Variants in VTN observed in about 807,000 individuals in gnomAD.
VTN encodes the protein vitronectin, also known as complement S-protein.
Under a neutral mutation model 55.9 loss-of-function variants are expected in VTN, and 45 were observed. That is an observed-to-expected ratio of 0.80 (90% CI 0.63 to 1.03). VTN has a LOEUF of 1.03. VTN is among the 50% of genes least tolerant of loss of function. The pLI, the probability that VTN is intolerant of heterozygous loss-of-function variation, is 0.00. For synonymous variants in VTN, 238 were observed against 242.3 expected, an observed-to-expected ratio of 0.98 and a Z score of 0.17; for missense variants, 589 against 638.2, an observed-to-expected ratio of 0.92 and a Z score of 0.83.
In VTN at chr17:28,368,950, T is replaced by C. The variant is rs1555583482; in HGVS notation, c.748A>G (p.Ile250Val). 5.6e-6 allele frequency: 9 copies of C among 1,604,174 alleles called. No homozygotes were observed. Among genetic ancestry groups the C allele is most frequent in the African/African-American group, 1.3e-5 (1 of 74,142 alleles). The change falls in exon 5 of 8, where the codon ATC becomes GTC. Residue 250 changes from isoleucine (I) to valine (V), a missense_variant. Ile to Val is a conservative substitution (Grantham distance 29, BLOSUM62 3). Transcript: ENST00000226218. ...PRNISDGFDG[I>V]PDNVDAALAL... ...AAGGCTGCATCCACGTTGTCCGGGA[T>C]GCCATCGAAGCCGTCAGAGATATTT... is the stretch of plus-strand genomic sequence containing the variant.
chr17:28,368,621 A>C lies in VTN; in HGVS notation c.879T>G (p.Cys293Trp), dbSNP rs782245313. Residue 293 changes from cysteine to tryptophan, a missense_variant, in exon 6 of 8, where the codon TGT becomes TGG. Physicochemically the swap from Cys to Trp is radical, Grantham distance 215. Coordinates refer to ENST00000226218, the MANE Select transcript of VTN (RefSeq NM_000638.4). ...QFQHQPSQEECEGSSLSAVFE... is the reference protein window; with the variant it reads ...QFQHQPSQEEWEGSSLSAVFE... ...ACACAGCCGACAGGGAGCTGCCTTC[A>C]CACTCCTCCTGACTGGGCTGGTGCT... 16 of 1,613,814 alleles carry C rather than the reference A, an allele frequency of 9.9e-6. No individual in the cohort carries two copies. The South Asian group carries it at 1.8e-4, about 18-fold the overall frequency.
At chr17:28,367,561 C>T (rs1377427863) in intron 7 of VTN, 80 bp from the exon 8 acceptor site, 20 of 1,444,970 alleles carry the variant, frequency 1.4e-5, no homozygotes, top group Non-Finnish European at 1.9e-5. Flanking sequence ...TAGGGTCTCT[C>T]CCAGAAGGGA....
In VTN at chr17:28,367,798, G is replaced by T; in HGVS notation, c.1241C>A (p.Ala414Asp). 1 of 1,614,136 alleles carries T rather than the reference G, an allele frequency of 6.2e-7. No homozygotes were observed. Among genetic ancestry groups the T allele is most frequent in the South Asian group, 1.1e-5 (1 of 91,086 alleles). Residue 414 changes from alanine to aspartate, a missense_variant, in exon 7 of 8, where the codon GCC (alanine) becomes GAC (aspartate). By Grantham distance (126) the Ala-to-Asp change is moderately radical. This residue lies in a region of VTN where 334 missense variants were observed against 328.2 expected (regional missense o/e 1.02). Coordinates refer to ENST00000226218, the MANE Select transcript of VTN (RefSeq NM_000638.4). ...LFSSEESNLG[A>D]NNYDDYRMDW... ...CATCCTGTAGTCATCATAGTTGTTGGCTCCCAAGTTGCTCTCCTCACTGGA... is the reference window on the plus strand; with the variant it reads ...CATCCTGTAGTCATCATAGTTGTTGTCTCCCAAGTTGCTCTCCTCACTGGA...
At chr17:28,367,565 G>GA in intron 7 of VTN, 84 bp from the exon 8 acceptor site, 1 of 1,438,086 alleles carries the variant, frequency 7.0e-7, no homozygotes, top group Non-Finnish European at 9.7e-7. Flanking sequence ...GTCTCTCCCA[G>GA]AAGGGAAAGT....
rs782257958 is a variant in VTN at position 28,369,840 on chromosome 17, C to A, written c.196G>T (p.Asp66Tyr). 6.2e-7 allele frequency: 1 copy of A among 1,612,480 alleles called. No homozygotes were observed. Among genetic ancestry groups the A allele is most frequent in the Non-Finnish European group, 8.5e-7 (1 of 1,178,708 alleles). Residue 66 changes from aspartate (D) to tyrosine (Y), a missense_variant, in exon 3 of 8, where the codon GAT (aspartate) becomes TAT (tyrosine). Asp to Tyr is a radical substitution (Grantham distance 160). Coordinates refer to ENST00000226218, the MANE Select transcript of VTN (RefSeq NM_000638.4). This position sits in a 1 kb window ranked among gnomAD's most constrained non-coding sequence, Gnocchi z 5.3. ...AECKPQVTRG[D>Y]VFTMPEDEYT... ...TCATCCTCCGGCATAGTGAACACATCCCCGCGAGTCACTGCAGAGAGTGGA... is the reference window on the plus strand; with the variant it reads ...TCATCCTCCGGCATAGTGAACACATACCCGCGAGTCACTGCAGAGAGTGGA...
Position 28,369,589 on chromosome 17 carries a change from G to C in VTN, c.447C>G (p.Pro149=), listed in dbSNP as rs1555583642. ...CACTGCACAGCTCCTCCTCTGCTGG[G>C]GGCTGAGGTCTCCCTGGATGAAGGG... is the stretch of plus-strand genomic sequence containing the variant. ...PETLHPGRPQ[P]PAEEELCSGK... Residue 149 remains proline, a synonymous_variant, in exon 3 of 8, where the codon CCC becomes CCG. Transcript: ENST00000226218. The surrounding 1 kb of genome is among the most constrained non-coding windows in gnomAD (Gnocchi z 5.3). 3.7e-6 allele frequency: 6 copies of C among 1,613,262 alleles called. No individual in the cohort carries two copies. The highest frequency in any genetic ancestry group is 1.3e-5 in the African/African-American group (1 of 74,926).
Position 28,367,393 on chromosome 17 carries a change from GC to G in VTN, c.1412del (p.Gly471AlafsTer35). On this transcript the variant is annotated frameshift_variant, in exon 8 of 8. Transcript: ENST00000226218. LOFTEE classifies it high-confidence loss of function. ...CCTACAGATGGCCAGGAGCTGGGCA[GC>G]CCAGCCAGTACTGAGCGATGGAGCG... is the stretch of plus-strand genomic sequence containing the variant. ...YPRSIAQYWLGCPAPGHL is the reference protein window; with the variant it reads ...YPRSIAQYWLXCPAPGHL 1 of 1,600,326 alleles carries G rather than the reference GC, an allele frequency of 6.2e-7. No homozygotes were observed. Among genetic ancestry groups the G allele is most frequent in the Admixed American group, 1.8e-5 (1 of 56,022 alleles).
In VTN at chr17:28,368,578, T is replaced by C; in HGVS notation, c.922A>G (p.Met308Val). Reference sequence around the variant, plus strand: ...ATGTCCTCCCAGCTGTCCCGCTGCATCATGGCAAAGTGTTCAAACACAGCC... The same window carrying C: ...ATGTCCTCCCAGCTGTCCCGCTGCACCATGGCAAAGTGTTCAAACACAGCC... ...LSAVFEHFAM[M>V]QRDSWEDIFE... The change falls in exon 6 of 8, where the codon ATG (methionine) becomes GTG (valine). Residue 308 changes from methionine to valine, a missense_variant. This residue lies in a region of VTN where 334 missense variants were observed against 328.2 expected (regional missense o/e 1.02). Coordinates refer to ENST00000226218, the MANE Select transcript of VTN (RefSeq NM_000638.4). 5.0e-6 allele frequency: 8 copies of C among 1,614,066 alleles called. No individual in the cohort carries two copies. The highest frequency in any genetic ancestry group is 6.8e-6 in the Non-Finnish European group (8 of 1,180,030).
At position 28,369,869 on chromosome 17, in the gene VTN, TAGTG is replaced by T. The variant is rs782330347; in HGVS notation, c.185-22_185-19del. On this transcript the variant is annotated intron_variant, in intron 2 of 7. Coordinates refer to ENST00000226218, the MANE Select transcript of VTN (RefSeq NM_000638.4). This position sits in a 1 kb window ranked among gnomAD's most constrained non-coding sequence, Gnocchi z 5.3. ...GCGAGTCACTGCAGAGAGTGGATGG[TAGTG>T]AGTCTCCAGCAGCAGGGGGCACCCC... 1.9e-6 allele frequency: 3 copies of T among 1,611,990 alleles called. No individual in the cohort carries two copies. The highest frequency in any genetic ancestry group is 2.2e-5 in the South Asian group (2 of 91,050).
rs1567800886 is a variant in VTN, at chr17:28,367,362, C to T, written c.*7G>A. 1.3e-6 allele frequency: 2 copies of T among 1,574,958 alleles called. No individual in the cohort carries two copies. The highest frequency in any genetic ancestry group is 1.7e-6 in the Non-Finnish European group (2 of 1,162,162). Reference sequence around the variant, plus strand: ...TACAGAGGGCCCGGCCATGTGGGCTCTGACTCCTACAGATGGCCAGGAGCT... The same window carrying T: ...TACAGAGGGCCCGGCCATGTGGGCTTTGACTCCTACAGATGGCCAGGAGCT... On this transcript the variant is annotated 3_prime_UTR_variant, in exon 8 of 8. Coordinates refer to ENST00000226218, the MANE Select transcript of VTN (RefSeq NM_000638.4).
Position 28,367,486 on chromosome 17 carries a change from AAG to A in VTN, c.1325-7_1325-6del, listed in dbSNP as rs782487351. On this transcript the variant is annotated splice_region_variant and splice_polypyrimidine_tract_variant and intron_variant, in intron 7 of 7. Coordinates refer to ENST00000226218, the MANE Select transcript of VTN (RefSeq NM_000638.4). ...GATTGACTCGGTAGTACTTGTCTGGAAGAGAGGAAAGCAGAGGATGCGTGAGG... is the reference window on the plus strand; with the variant it reads ...GATTGACTCGGTAGTACTTGTCTGGAAGAGGAAAGCAGAGGATGCGTGAGG... 15 of 1,612,326 alleles carry A rather than the reference AAG, an allele frequency of 9.3e-6. No homozygotes were observed. The South Asian group carries it at 1.5e-4, about 17-fold the overall frequency.
In VTN at chr17:28,367,295, G is replaced by T; in HGVS notation, c.*74C>A. The T allele has an allele frequency of 9.8e-7, 1 of 1,024,872 alleles. No individual in the cohort carries two copies. The highest frequency in any genetic ancestry group is 1.4e-6 in the Non-Finnish European group (1 of 699,534). 63.5% of individuals were successfully genotyped at this position (1,024,872 alleles called of 1,614,324 possible). A position where few individuals can be genotyped will look rare whatever the true frequency, so the allele number is the denominator to read the frequency against. ...CAATAATTTTAAACTCGGGGCTAAGGGACCTTTATTGGGCTGGGGGAAGGA... is the reference window on the plus strand; with the variant it reads ...CAATAATTTTAAACTCGGGGCTAAGTGACCTTTATTGGGCTGGGGGAAGGA... On this transcript the variant is annotated 3_prime_UTR_variant, in exon 8 of 8. Coordinates refer to ENST00000226218, the MANE Select transcript of VTN (RefSeq NM_000638.4).
rs782405279 is a variant in VTN, at chr17:28,368,939, G to A, written c.759C>T (p.Asn253=). The change falls in exon 5 of 8, where the codon AAC becomes AAT. Residue 253 remains asparagine (N), a synonymous_variant. Transcript: ENST00000226218. ...ISDGFDGIPD[N]VDAALALPAH... The stretch of plus-strand genomic sequence containing the variant: ...CAGGGAGGGCCAAGGCTGCATCCAC[G>A]TTGTCCGGGATGCCATCGAAGCCGT... 22 of 1,604,804 alleles carry A rather than the reference G, an allele frequency of 1.4e-5. No homozygotes were observed. The highest frequency in any genetic ancestry group is 2.7e-5 in the African/African-American group (2 of 74,188).
intron 7 of VTN, 115 bp downstream of exon 7, chr17:28,367,600 C>T (rs2067915209): frequency 3.5e-6 from 5 of 1,414,330 alleles, no homozygotes; most frequent in Non-Finnish European, 3.9e-6. Flanking sequence ...CAGCTAAGGA[C>T]TTCTGGCCTG....
chr17:28,369,084 C>T lies in VTN; in HGVS notation c.670-56G>A. On this transcript the variant is annotated intron_variant, in intron 4 of 7. Transcript: ENST00000226218. This position sits in a 1 kb window ranked among gnomAD's most constrained non-coding sequence, Gnocchi z 5.3. ...GGAGGCCGCTGGCTGGGCACAGAGG[C>T]AGAGTCCCTTGCCCTAAGGCAGCCG... 6.5e-7 allele frequency: 1 copy of T among 1,536,940 alleles called. No individual in the cohort carries two copies. Among genetic ancestry groups the T allele is most frequent in the Non-Finnish European group, 8.7e-7 (1 of 1,147,042 alleles).
In VTN at chr17:28,369,848, G is replaced by A. The variant is rs782332650; in HGVS notation, c.188C>T (p.Thr63Ile). The change falls in exon 3 of 8, where the codon ACT (threonine) becomes ATT (isoleucine). Residue 63 changes from threonine (T) to isoleucine (I), a missense_variant. By Grantham distance (89) the Thr-to-Ile change is moderately conservative. Transcript: ENST00000226218. The surrounding 1 kb of genome is among the most constrained non-coding windows in gnomAD (Gnocchi z 5.3). ...DYTAECKPQV[T>I]RGDVFTMPED... ...CGGCATAGTGAACACATCCCCGCGA[G>A]TCACTGCAGAGAGTGGATGGTAGTG... is the stretch of plus-strand genomic sequence containing the variant. The A allele has an allele frequency of 3.8e-5, 61 of 1,612,318 alleles. No individual in the cohort carries two copies. The South Asian group carries it at 4.7e-4, about 12-fold the overall frequency.
chr17:28,368,521 CA>C lies in VTN; in HGVS notation c.978del (p.Ala327LeufsTer179). The C allele has an allele frequency of 1.9e-6, 3 of 1,613,866 alleles. No individual in the cohort carries two copies. The highest frequency in any genetic ancestry group is 1.1e-5 in the South Asian group (1 of 91,082). On this transcript the variant is annotated frameshift_variant and splice_region_variant, in exon 6 of 8. Transcript: ENST00000226218. LOFTEE classifies it high-confidence loss of function. Reference protein sequence around the residue: ...IFELLFWGRTSAGTRQPQFIS... With the variant: ...IFELLFWGRTXAGTRQPQFIS... ...AGCAAGACTTGCCCTCTCTCCATAC[CA>C]GAGGTTCTGCCCCAGAAGAGAAGCT...
In VTN at chr17:28,369,646, A is replaced by G. The variant is rs200955799; in HGVS notation, c.390T>C (p.Ser130=). ...GCCTTGAGTCTATCCCCTCAGGCTT[A>G]GAGGCGCCCACCTCAGGCGCAGGGG... ...EEAPAPEVGA[S]KPEGIDSRPE... is the part of the protein sequence containing the mutation. Residue 130 remains serine, a synonymous_variant, in exon 3 of 8, where the codon TCT becomes TCC. Transcript: ENST00000226218. The surrounding 1 kb of genome is among the most constrained non-coding windows in gnomAD (Gnocchi z 5.3). The G allele has an allele frequency of 1.2e-6, 2 of 1,613,784 alleles. No homozygotes were observed. The highest frequency in any genetic ancestry group is 1.7e-6 in the Non-Finnish European group (2 of 1,180,016).
At chr17:28,370,110 A>T (rs782778235) in intron 1 of VTN, 30 bp downstream of exon 1, 1 of 1,613,416 alleles carries the variant, frequency 6.2e-7, no homozygotes, top group Non-Finnish European at 8.5e-7. Context: ...CCCTACATTG[A>T]CCCAGATGGC....
Sources: gnomAD v4.1 joint callset for allele counts on GRCh38, gnomAD v4.1.1 for gene constraint, gnomAD v4.1.1 regional missense constraint, Gnocchi (gnomAD v3.1) non-coding constraint, MANE v1.5 for transcripts, NCBI Gene and HGNC (gene_info 2026-07-23, HGNC 2026-07-21) for gene names.